The following UNC5D variants were observed in gnomAD, a reference collection of about 807,000 sequenced individuals.
The protein encoded by UNC5D is netrin receptor UNC5D.
A neutral mutation model predicts 105.4 loss-of-function variants in UNC5D; 39 were observed. That is an observed-to-expected ratio of 0.37 (90% CI 0.29 to 0.48). UNC5D has a LOEUF of 0.48. Ranked by LOEUF, UNC5D falls within the 20% of genes least tolerant of loss-of-function variation. The pLI is 0.98. For missense variants in UNC5D, 991 were observed against 1,202.4 expected (o/e 0.82, Z 2.60); for synonymous variants, 452 against 450.4 (o/e 1.00, Z -0.04).
intron 1 of UNC5D, among the ~76,000 whole-genome samples, chr8:35,243,644 T>C (rs1802925666): frequency 6.6e-6 from 1 of 152,102 alleles, no homozygotes; most frequent in African/African-American, 2.4e-5. Flanking sequence ...AAGCAAGAGA[T>C]AGAATGAGAA....
chr8:35,775,022 A>G (rs763521114), intron 16 of UNC5D, among the ~76,000 whole-genome samples: 23 of 151,754 alleles, frequency 1.5e-4, no homozygotes, highest in Non-Finnish European at 3.2e-4. Flanking sequence ...TTCTGGTACC[A>G]TCTCTAGGTT....
intron 13 of UNC5D, among the ~76,000 whole-genome samples, chr8:35,756,685 C>G (rs1343698671): frequency 6.6e-6 from 1 of 152,076 alleles, no homozygotes; most frequent in Non-Finnish European, 1.5e-5. Context: ...AGCCACGTGG[C>G]TTTAGGCAAA....
At chr8:35,743,839 T>C (rs972611558) in intron 11 of UNC5D, among the ~76,000 whole-genome samples, 1 of 152,178 alleles carries the variant, frequency 6.6e-6, no homozygotes, top group Non-Finnish European at 1.5e-5. Flanking sequence ...CCTAGATACT[T>C]CCATGTATAT....
At chr8:35,286,672 C>T in intron 1 of UNC5D, among the ~76,000 whole-genome samples, 1 of 152,178 alleles carries the variant, frequency 6.6e-6, no homozygotes, top group East Asian at 1.9e-4. Context: ...AACCAGGAGG[C>T]AGTTGCAGGT....
In UNC5D at chr8:35,486,162, A is replaced by G. The variant is rs897119996; in HGVS notation, c.104-63130A>G. On this transcript the variant is annotated intron_variant, in intron 1 of 16. Transcript: ENST00000404895. ...GAGTGCTGCTGTTTTAAATATGGGA[A>G]ATATTTTCAGTAATTTCCTAATTAG... is the stretch of plus-strand genomic sequence containing the variant. Among the ~76,000 whole-genome samples the G allele has an allele frequency of 4.6e-5, 7 of 152,362 alleles. No homozygotes were observed. The East Asian group carries it at 1.3e-3, about 29-fold the overall frequency.
chr8:35,744,302 G>A (rs1334711488), intron 11 of UNC5D, among the ~76,000 whole-genome samples: 2 of 152,198 alleles, frequency 1.3e-5, no homozygotes, highest in Non-Finnish European at 2.9e-5. Flanking sequence ...GCTAGGTGGT[G>A]TCTGCTGTGA....
At chr8:35,733,091 G>GAA (rs201631582) in intron 11 of UNC5D, among the ~76,000 whole-genome samples, 1 of 147,084 alleles carries the variant, frequency 6.8e-6, no homozygotes, top group African/African-American at 2.5e-5. Context: ...ACTAAACTGT[G>GAA]AAAAAAAAAA....
intron 1 of UNC5D, among the ~76,000 whole-genome samples, chr8:35,476,340 C>CT (rs1430387608): frequency 6.6e-6 from 1 of 152,198 alleles, no homozygotes; most frequent in Non-Finnish European, 1.5e-5. Context: ...CAACTAGACA[C>CT]TTCCCCTCTT....
chr8:35,299,335 T>C (rs1205504260), intron 1 of UNC5D, among the ~76,000 whole-genome samples: 1 of 151,756 alleles, frequency 6.6e-6, no homozygotes, highest in African/African-American at 2.4e-5. Context: ...CAGGAGAGAG[T>C]TGCTAAGCCT....
rs58478029 is a variant in UNC5D, at chr8:35,572,275, C to CAAAA, written c.466+4056_466+4059dup. On this transcript the variant is annotated intron_variant, in intron 3 of 16. Coordinates refer to ENST00000404895, the MANE Select transcript of UNC5D (RefSeq NM_080872.4). The stretch of plus-strand genomic sequence containing the variant: ...TGCACTCCAGCCTGAGCGAGACTGT[C>CAAAA]AAAAAAAAAAAAAAAAAAAAAAAAA... Among the ~76,000 whole-genome samples the CAAAA allele has an allele frequency of 6.8e-3, 491 of 72,452 alleles. 14 individuals are homozygous for CAAAA. The highest frequency in any genetic ancestry group is 0.026 in the African/African-American group (450 of 17,152). 47.5% of individuals were successfully genotyped at this position (72,452 alleles called of 152,430 possible). A position where few individuals can be genotyped will look rare whatever the true frequency, so the allele number is the denominator to read the frequency against.
intron 4 of UNC5D, among the ~76,000 whole-genome samples, chr8:35,650,052 T>C (rs555658856): frequency 6.6e-6 from 1 of 152,322 alleles, no homozygotes; most frequent in South Asian, 2.1e-4. Context: ...GAGGGTAGTG[T>C]ATTGTCTTTG....
chr8:35,766,805 G>GTCATCATCATCA, intron 14 of UNC5D, 97 bp from the exon 15 acceptor site: 1 of 1,336,288 alleles, frequency 7.5e-7, no homozygotes. Context: ...TGTTGTTGTC[G>GTCATCATCATCA]TCATCATCAT....
intron 9 of UNC5D, 90 bp downstream of exon 9, chr8:35,722,485 A>G: frequency 6.7e-7 from 1 of 1,486,864 alleles, no homozygotes; most frequent in South Asian, 1.4e-5. Flanking sequence ...CCCTGTGTGA[A>G]GGTAGCTCTT....
In UNC5D at chr8:35,722,259, C is replaced by T. The variant is rs1298445990; in HGVS notation, c.1167C>T (p.Ala389=). 98 of 1,613,974 alleles carry T rather than the reference C, an allele frequency of 6.1e-5. No homozygotes were observed. The highest frequency in any genetic ancestry group is 8.2e-5 in the Non-Finnish European group (97 of 1,180,004). Residue 389 remains alanine, a synonymous_variant, in exon 9 of 17, where the codon GCC becomes GCT. Transcript: ENST00000404895. ...DIALYSGLGA[A]VVAVAVLVIG... is the part of the protein sequence containing the mutation. ...CTTTGTACTCGGGCTTGGGTGCTGC[C>T]GTCGTGGCCGTTGCAGTCCTGGTCA...
chr8:35,326,624 C>G (rs542708598), intron 1 of UNC5D, among the ~76,000 whole-genome samples: 1 of 152,070 alleles, frequency 6.6e-6, no homozygotes, highest in Non-Finnish European at 1.5e-5. Context: ...CTTGGAGGCA[C>G]AAGCCTGTAG....
At chr8:35,428,437 C>T (rs1486073987) in intron 1 of UNC5D, among the ~76,000 whole-genome samples, 1 of 144,744 alleles carries the variant, frequency 6.9e-6, no homozygotes, top group Non-Finnish European at 1.5e-5. Context: ...CCTCCTGCTT[C>T]AGCCTCCCAA....
At chr8:35,570,603 G>C (rs1022487285) in intron 3 of UNC5D, among the ~76,000 whole-genome samples, 15 of 151,782 alleles carry the variant, frequency 9.9e-5, no homozygotes, top group Admixed American at 3.3e-4. Flanking sequence ...ATTTATTCTG[G>C]ATCAGCCCTC....
At chr8:35,671,301 G>A (rs963992952) in intron 4 of UNC5D, among the ~76,000 whole-genome samples, 1 of 152,090 alleles carries the variant, frequency 6.6e-6, no homozygotes, top group Non-Finnish European at 1.5e-5. Context: ...TCTACAATTT[G>A]GATACCAAAT....
intron 13 of UNC5D, among the ~76,000 whole-genome samples, chr8:35,751,832 A>C (rs1830294034): frequency 6.6e-6 from 1 of 152,218 alleles, no homozygotes; most frequent in South Asian, 2.1e-4. Context: ...TCAACAAACA[A>C]ACACAGACAC....
Sources: allele counts gnomAD v4.1 joint callset (sites outside exome capture counted in the v4.1 genomes callset), GRCh38; gene constraint gnomAD v4.1.1; transcripts MANE v1.5; gene names NCBI Gene and HGNC (gene_info 2026-07-23, HGNC 2026-07-21).